Variants in NCF2 observed in about 807,000 individuals in gnomAD.
NCF2 encodes neutrophil cytosolic factor 2, also known as neutrophil cytosol factor 2.
Under a neutral mutation model 70.9 loss-of-function variants are expected in NCF2, and 45 were observed. The ratio of observed to expected loss-of-function variants is 0.63; its 90% confidence interval spans 0.50 to 0.81. The LOEUF is 0.81. Among genes scored for constraint, NCF2 ranks in the 40% least tolerant of loss-of-function variants. NCF2 has a pLI of 0.00. For synonymous variants in NCF2, 203 were observed against 233.6 expected (o/e 0.87, Z 1.19); for missense variants, 522 against 631.6 (o/e 0.83, Z 1.86).
chr1:183,578,275 C>T (rs1409111267), intron 2 of NCF2, among the ~76,000 whole-genome samples: 1 of 151,988 alleles, frequency 6.6e-6, no homozygotes, highest in Non-Finnish European at 1.5e-5. Flanking sequence ...TTTGTTTCCT[C>T]ACCGCCCGCC....
chr1:183,566,867 G>A, intron 9 of NCF2, 53 bp downstream of exon 9: 1 of 1,605,068 alleles, frequency 6.2e-7, no homozygotes, highest in South Asian at 1.1e-5. Context: ...CCCCTCCAGG[G>A]AGAGATCCCT....
chr1:183,565,950 A>G (rs1672282271), intron 9 of NCF2, among the ~76,000 whole-genome samples, 171 bp from the exon 10 acceptor site: 1 of 152,220 alleles, frequency 6.6e-6, no homozygotes. Context: ...ATGTTGGCCA[A>G]AAGAGGAGGT....
At chr1:183,599,456 T>TTCTTTCTTTC in the NCF2 span, among the ~76,000 whole-genome samples, 3 of 137,480 alleles carry the variant, frequency 2.2e-5, no homozygotes, top group African/African-American at 5.7e-5. Flanking sequence ...CTTTCTTTCT[T>TTCTTTCTTTC]TCTTTCTTTC....
chr1:183,559,890 T>C (rs1318866527), intron 14 of NCF2, among the ~76,000 whole-genome samples: 2 of 152,136 alleles, frequency 1.3e-5, no homozygotes, highest in East Asian at 3.8e-4. Context: ...ACAACTCAGC[T>C]TCTTGTTGCT....
rs555649211 is a variant in NCF2 at position 183,555,605 on chromosome 1, G to GTAACC, written c.*508_*512dup. On this transcript the variant is annotated 3_prime_UTR_variant, in exon 15 of 15. Coordinates refer to ENST00000367535, the MANE Select transcript of NCF2 (RefSeq NM_000433.4). ...AAGTTTATTTGTATATGCCTTATGA[G>GTAACC]TAACCTATAAGGTTACTTCAAGCCT... The GTAACC allele has an allele frequency of 1.3e-4, 21 of 161,936 alleles. No homozygotes were observed. In the East Asian group the frequency reaches 3.6e-3, roughly 28 times the overall value. The allele number at this position is 161,936 out of a possible 1,614,324, so 10.0% of individuals were successfully genotyped here.
chr1:183,573,323 T>C (rs916571571), intron 4 of NCF2, 31 bp from the exon 5 acceptor site: 3 of 1,594,818 alleles, frequency 1.9e-6, no homozygotes, highest in Non-Finnish European at 1.7e-6. Flanking sequence ...CATTCCCTTA[T>C]GTGAAAATGG....
Position 183,555,803 on chromosome 1 carries a change from G to A in NCF2, c.*315C>T. The A allele has an allele frequency of 2.4e-6, 1 of 410,102 alleles. No individual in the cohort carries two copies. The highest frequency in any genetic ancestry group is 4.5e-6 in the Non-Finnish European group (1 of 221,870). 25.4% of individuals were successfully genotyped at this position (410,102 alleles called of 1,614,324 possible). On this transcript the variant is annotated 3_prime_UTR_variant, in exon 15 of 15. Transcript: ENST00000367535. ...GAATGTTTACAGTGTGAACACAGCT[G>A]GCTAGCTAGCACTCAGAGCAAGAAA... is the stretch of plus-strand genomic sequence containing the variant.
chr1:183,569,252 A>G (rs1223382373), intron 6 of NCF2, 67 bp from the exon 7 acceptor site: 1 of 1,377,834 alleles, frequency 7.3e-7, no homozygotes, highest in African/African-American at 1.4e-5. Context: ...GAGACAACAA[A>G]CGGCTAATGG....
the NCF2 span, among the ~76,000 whole-genome samples, chr1:183,596,471 C>T: frequency 6.6e-6 from 1 of 151,818 alleles, no homozygotes; most frequent in African/African-American, 2.4e-5. Flanking sequence ...ACACTGGATC[C>T]TCACTATAAA....
At chr1:183,562,690 G>C (rs1428700374) in intron 13 of NCF2, among the ~76,000 whole-genome samples, 1 of 152,058 alleles carries the variant, frequency 6.6e-6, no homozygotes, top group Non-Finnish European at 1.5e-5. Context: ...AAAATTAGCT[G>C]GGTGCAGTGG....
At chr1:183,593,418 C>A (rs1572184837), upstream of NCF2, among the ~76,000 whole-genome samples, 1 of 152,280 alleles carries the variant, frequency 6.6e-6, no homozygotes, top group East Asian at 1.9e-4. Flanking sequence ...CAGGATATAA[C>A]CCGAACTCCT....
chr1:183,572,296 T>C (rs555051803), intron 5 of NCF2, among the ~76,000 whole-genome samples: 4 of 152,378 alleles, frequency 2.6e-5, no homozygotes, highest in South Asian at 2.1e-4. Context: ...GCGATTCTCC[T>C]GCCTCAGCCT....
chr1:183,588,870 C>G (rs1314199058), intron 1 of NCF2, among the ~76,000 whole-genome samples: 1 of 152,202 alleles, frequency 6.6e-6, no homozygotes, highest in Non-Finnish European at 1.5e-5. Context: ...GATCCCATAT[C>G]CAGGCCAAGG....
chr1:183,567,181 C>G (rs773016794), intron 8 of NCF2, 23 bp downstream of exon 8: 2 of 1,614,018 alleles, frequency 1.2e-6, no homozygotes, highest in African/African-American at 1.3e-5. Context: ...GCCCATCGCA[C>G]CAGCCCCTGA....
chr1:183,593,212 C>G (rs1673719071), upstream of NCF2, among the ~76,000 whole-genome samples: 1 of 152,152 alleles, frequency 6.6e-6, no homozygotes, highest in African/African-American at 2.4e-5. Context: ...CTAGCAAAGC[C>G]ATTCATGCTC....
upstream of NCF2, among the ~76,000 whole-genome samples, chr1:183,593,536 C>T (rs1673722692): frequency 6.6e-6 from 1 of 152,136 alleles, no homozygotes; most frequent in Admixed American, 6.5e-5. Flanking sequence ...TTCATGGTTT[C>T]ATATGAGCCA....
At position 183,560,137 on chromosome 1, in the gene NCF2, A is replaced by G. The variant is rs1671976478; in HGVS notation, c.1427T>C (p.Leu476Pro). 1 of 1,614,078 alleles carries G rather than the reference A, an allele frequency of 6.2e-7. No individual in the cohort carries two copies. Among genetic ancestry groups the G allele is most frequent in the Non-Finnish European group, 8.5e-7 (1 of 1,180,032 alleles). ...FSYEATQPEDLEFQEGDIILV... is the reference protein window; with the variant it reads ...FSYEATQPEDPEFQEGDIILV... ...GATTATATCCCCTTCCTGAAACTCC[A>G]GGTCCTCTGGTTGGGTAGCCTCATA... Residue 476 changes from leucine to proline, a missense_variant, in exon 14 of 15, where the codon CTG (leucine) becomes CCG (proline). Transcript: ENST00000367535.
At chr1:183,599,439 T>TTTCC in the NCF2 span, among the ~76,000 whole-genome samples, 3 of 98,394 alleles carry the variant, frequency 3.0e-5, no homozygotes, top group Non-Finnish European at 4.6e-5. Flanking sequence ...TCTTTCTTTC[T>TTTCC]TTCTTTCTTT....
Position 183,563,476 on chromosome 1 carries a change from A to G in NCF2, c.1136T>C (p.Val379Ala), listed in dbSNP as rs1181613195. 6.2e-7 allele frequency: 1 copy of G among 1,614,072 alleles called. No homozygotes were observed. Among genetic ancestry groups the G allele is most frequent in the East Asian group, 2.2e-5 (1 of 44,872 alleles). ...CAGCCGGAGCTCCAGTTTCTTAGAC[A>G]CCATGTCCCGGACCTGGCTGTAGGG... ...GLPYSQVRDMVSKKLELRLEH... is the reference protein window; with the variant it reads ...GLPYSQVRDMASKKLELRLEH... Residue 379 changes from valine to alanine, a missense_variant, in exon 12 of 15, where the codon GTG (valine) becomes GCG (alanine). Physicochemically the swap from Val to Ala is moderately conservative, Grantham distance 64. Transcript: ENST00000367535.
Sources: gnomAD v4.1 joint callset for allele counts (sites outside exome capture counted in the v4.1 genomes callset) on GRCh38, gnomAD v4.1.1 for gene constraint, MANE v1.5 for transcripts, NCBI Gene and HGNC (gene_info 2026-07-23, HGNC 2026-07-21) for gene names.